Variants in TAOK3 observed in about 807,000 individuals in gnomAD.
The protein encoded by TAOK3 is TAO kinase 3.
TAOK3 carries 40 observed loss-of-function variants against 120.4 expected under a neutral mutation model. That is an observed-to-expected ratio of 0.33 (90% CI 0.26 to 0.43). TAOK3 has a LOEUF of 0.43. Among genes scored for constraint, TAOK3 ranks in the 20% least tolerant of loss-of-function variants. TAOK3 has a pLI of 1.00. For missense variants in TAOK3, 821 were observed against 1,112.1 expected, an observed-to-expected ratio of 0.74 and a Z score of 3.72; for synonymous variants, 355 against 387.5, an observed-to-expected ratio of 0.92 and a Z score of 0.99.
intron 1 of TAOK3, among the ~76,000 whole-genome samples, chr12:118,360,382 A>G (rs1478882535): frequency 1.3e-5 from 2 of 151,996 alleles, no homozygotes; most frequent in African/African-American, 4.8e-5. Flanking sequence ...CCTGGCTAAC[A>G]TGGTGAAACC....
At position 118,372,556 on chromosome 12, in the gene TAOK3, C is replaced by G. The variant is rs906553138; in HGVS notation, c.-194+92G>C. On this transcript the variant is annotated intron_variant, in intron 1 of 20. Coordinates refer to ENST00000392533, the MANE Select transcript of TAOK3 (RefSeq NM_016281.4). The surrounding 1 kb of genome is among the most constrained non-coding windows in gnomAD (Gnocchi z 4.6). ...CGGGGTCTCCTCTCCACAGTCTGCACTGTCGAGCCCGCTCCCGCAACTCCC... is the reference window on the plus strand; with the variant it reads ...CGGGGTCTCCTCTCCACAGTCTGCAGTGTCGAGCCCGCTCCCGCAACTCCC... 5 of 155,460 alleles carry G rather than the reference C, an allele frequency of 3.2e-5. No homozygotes were observed. The highest frequency in any genetic ancestry group is 5.7e-5 in the Non-Finnish European group (4 of 70,374). 9.6% of individuals were successfully genotyped at this position (155,460 alleles called of 1,614,324 possible). A position where few individuals can be genotyped will look rare whatever the true frequency, so the allele number is the denominator to read the frequency against.
intron 14 of TAOK3, among the ~76,000 whole-genome samples, chr12:118,182,373 T>C (rs2036786756): frequency 6.6e-6 from 1 of 151,838 alleles, no homozygotes; most frequent in Non-Finnish European, 1.5e-5. Context: ...TCACCAACAC[T>C]ACTGACAACG....
intron 1 of TAOK3, among the ~76,000 whole-genome samples, chr12:118,270,738 G>A (rs2041663096): frequency 6.8e-6 from 1 of 146,710 alleles, no homozygotes; most frequent in African/African-American, 2.6e-5. Flanking sequence ...CAGTGGCGCC[G>A]ATCTCGGTTC....
chr12:118,152,634 C>T (rs2034533072), intron 19 of TAOK3: 3 of 485,404 alleles, frequency 6.2e-6, no homozygotes, highest in African/African-American at 1.9e-5. Flanking sequence ...TGATCTGAAA[C>T]CACAGCAGCA....
chr12:118,352,492 G>A (rs940345379), intron 1 of TAOK3, among the ~76,000 whole-genome samples: 3 of 149,554 alleles, frequency 2.0e-5, no homozygotes, highest in African/African-American at 2.5e-5. Context: ...GCGACACAGC[G>A]AGACTCTGTC....
At chr12:118,219,226 C>T (rs1238480436) in intron 9 of TAOK3, among the ~76,000 whole-genome samples, 2 of 151,966 alleles carry the variant, frequency 1.3e-5, no homozygotes, top group African/African-American at 4.8e-5. Flanking sequence ...CTCCCTTTTG[C>T]TCCCTAAACT....
chr12:118,202,665 T>C lies in TAOK3; in HGVS notation c.820-1202A>G, dbSNP rs114135398. Among the ~76,000 whole-genome samples, 1,438 of 152,034 alleles carry C rather than the reference T, an allele frequency of 9.5e-3. 22 individuals carry two copies. Among genetic ancestry groups the C allele is most frequent in the African/African-American group, 0.034 (1,391 of 41,478 alleles). ...AGAATTCTTGAGGTTTACTTTATCA[T>C]ATAAGTAATAAAAAAATCACTAGAA... On this transcript the variant is annotated intron_variant, in intron 11 of 20. Transcript: ENST00000392533.
At position 118,160,880 on chromosome 12, in the gene TAOK3, T is replaced by A. The variant is rs2035173992; in HGVS notation, c.2140-522A>T. Among the ~76,000 whole-genome samples, 2 of 152,218 alleles carry A rather than the reference T, an allele frequency of 1.3e-5. No homozygotes were observed. Among genetic ancestry groups the A allele is most frequent in the African/African-American group, 2.4e-5 (1 of 41,452 alleles). ...GAGAGTATATGGATGGTACCTTATA[T>A]CCTAACGCATTTCTACTGGATTTCA... On this transcript the variant is annotated intron_variant, in intron 18 of 20. Transcript: ENST00000392533. This position sits in a 1 kb window ranked among gnomAD's most constrained non-coding sequence, Gnocchi z 4.2.
chr12:118,188,351 T>C (rs2037202014), intron 14 of TAOK3, among the ~76,000 whole-genome samples: 2 of 152,344 alleles, frequency 1.3e-5, no homozygotes, highest in South Asian at 2.1e-4. Context: ...TGATGCTTTA[T>C]CTAGACTCAA....
At chr12:118,331,160 T>C (rs1003136671) in intron 1 of TAOK3, among the ~76,000 whole-genome samples, 2 of 152,176 alleles carry the variant, frequency 1.3e-5, no homozygotes, top group African/African-American at 4.8e-5. Flanking sequence ...CCATTTCCTC[T>C]AGAACAAGGT....
intron 1 of TAOK3, among the ~76,000 whole-genome samples, chr12:118,349,180 C>T (rs557132790): frequency 4.6e-5 from 7 of 152,216 alleles, no homozygotes; most frequent in African/African-American, 7.2e-5. Flanking sequence ...CATGAGCCAC[C>T]GCGCTGGCTG....
Position 118,246,509 on chromosome 12 carries a change from G to A in TAOK3, c.121-1544C>T. 3 of 1,566,652 alleles carry A rather than the reference G, an allele frequency of 1.9e-6. No homozygotes were observed. In the South Asian group the frequency reaches 3.4e-5, roughly 18 times the overall value. ...ATGGCCACGTCGGTCTGGGTGTTAA[G>A]TGCTCCAAGGAGGTGGCCACCGCCA... On this transcript the variant is annotated intron_variant, in intron 3 of 20. Coordinates refer to ENST00000392533, the MANE Select transcript of TAOK3 (RefSeq NM_016281.4).
intron 16 of TAOK3, among the ~76,000 whole-genome samples, chr12:118,172,918 C>T (rs2036095478): frequency 6.6e-6 from 1 of 152,036 alleles, no homozygotes; most frequent in South Asian, 2.1e-4. Context: ...TCAACACAAA[C>T]TTAACAAGCT....
Position 118,352,694 on chromosome 12 carries a change from T to C in TAOK3, c.-194+19954A>G, listed in dbSNP as rs903229082. Among the ~76,000 whole-genome samples the C allele has an allele frequency of 2.0e-5, 3 of 152,258 alleles. No individual in the cohort carries two copies. The East Asian group carries it at 5.8e-4, about 29-fold the overall frequency. ...TCAGGTCCCTTCAACATTACTGTAT[T>C]ACCAGGGTTACTGATCTTATCTTAT... On this transcript the variant is annotated intron_variant, in intron 1 of 20. Transcript: ENST00000392533.
At position 118,371,026 on chromosome 12, in the gene TAOK3, C is replaced by G. The variant is rs1286222744; in HGVS notation, c.-194+1622G>C. ...ATTTAGTTTGACCTTCCAACTATCT[C>G]CAACAGATCAAAGTTAAACAGTCCA... On this transcript the variant is annotated intron_variant, in intron 1 of 20. Coordinates refer to ENST00000392533, the MANE Select transcript of TAOK3 (RefSeq NM_016281.4). This position sits in a 1 kb window ranked among gnomAD's most constrained non-coding sequence, Gnocchi z 5.5. Among the ~76,000 whole-genome samples the G allele has an allele frequency of 3.3e-5, 5 of 152,208 alleles. No individual in the cohort carries two copies. In the East Asian group the frequency reaches 9.6e-4, roughly 29 times the overall value.
intron 1 of TAOK3, among the ~76,000 whole-genome samples, chr12:118,306,431 G>A (rs773559688): frequency 4.6e-5 from 7 of 152,158 alleles, no homozygotes; most frequent in African/African-American, 7.2e-5. Context: ...TCCTGTCTTG[G>A]CCTCCCAAAA....
intron 1 of TAOK3, among the ~76,000 whole-genome samples, chr12:118,335,141 G>A (rs919324046): frequency 3.4e-5 from 5 of 148,256 alleles, no homozygotes; most frequent in Admixed American, 2.0e-4. Flanking sequence ...CCAAGGTTGC[G>A]CCATCCCACT....
chr12:118,254,572 T>G (rs768511982), intron 3 of TAOK3, among the ~76,000 whole-genome samples: 1 of 151,824 alleles, frequency 6.6e-6, no homozygotes, highest in Non-Finnish European at 1.5e-5. Context: ...AGGGGTGGAG[T>G]CTTGAACAGT....
At chr12:118,340,909 C>A (rs1014138523) in intron 1 of TAOK3, among the ~76,000 whole-genome samples, 1 of 151,666 alleles carries the variant, frequency 6.6e-6, no homozygotes, top group African/African-American at 2.4e-5. Flanking sequence ...CACCACTGCA[C>A]GACAGCCTGG....
Sources: allele counts gnomAD v4.1 joint callset (sites outside exome capture counted in the v4.1 genomes callset), GRCh38; gene constraint gnomAD v4.1.1; non-coding constraint Gnocchi (gnomAD v3.1); transcripts MANE v1.5; gene names NCBI Gene and HGNC (gene_info 2026-07-23, HGNC 2026-07-21).